The following RHPN2 variants were observed in gnomAD, a reference collection of about 807,000 sequenced individuals.
RHPN2 encodes rhophilin Rho GTPase binding protein 2, also known as rhophilin-2.
A neutral mutation model predicts 79.0 loss-of-function variants in RHPN2; 40 were observed. The observed-to-expected ratio is 0.51, with a 90% CI of 0.39 to 0.66. The LOEUF is 0.66. Ranked by LOEUF, RHPN2 falls within the 30% of genes least tolerant of loss-of-function variation. The pLI, the probability that RHPN2 is intolerant of heterozygous loss-of-function variation, is 0.00. For missense variants in RHPN2, 686 were observed against 883.5 expected, an observed-to-expected ratio of 0.78 and a Z score of 2.83; for synonymous variants, 285 against 363.5, an observed-to-expected ratio of 0.78 and a Z score of 2.46.
chr19:33,000,285 A>G (rs944127118), intron 9 of RHPN2, among the ~76,000 whole-genome samples: 7 of 146,840 alleles, frequency 4.8e-5, no homozygotes, highest in African/African-American at 1.8e-4. Context: ...CAGTGGTGTG[A>G]TCTTGGCTCA....
rs138280492 is a variant in RHPN2, at chr19:33,009,228, G to T, written c.594-1048C>A. ...AAAGCCACAGAATACACAAGTGCAA[G>T]AATGAACCCTAATGGAAACTATGGA... On this transcript the variant is annotated intron_variant, in intron 6 of 14. Coordinates refer to ENST00000254260, the MANE Select transcript of RHPN2 (RefSeq NM_033103.5). 8.6e-4 allele frequency among the ~76,000 whole-genome samples: 131 copies of T among 151,970 alleles called. 2 individuals carry two copies. Among genetic ancestry groups the T allele is most frequent in the Admixed American group, 9.8e-4 (15 of 15,242 alleles).
intron 1 of RHPN2, 42 bp downstream of exon 1, chr19:33,064,742 T>C: frequency 6.6e-7 from 1 of 1,510,828 alleles, no homozygotes. Flanking sequence ...AAAGGAGGTC[T>C]GGAGCCCGCA....
intron 6 of RHPN2, among the ~76,000 whole-genome samples, chr19:33,010,060 T>C (rs1336653231): frequency 6.6e-6 from 1 of 152,150 alleles, no homozygotes; most frequent in Non-Finnish European, 1.5e-5. Flanking sequence ...ATTACAGGCG[T>C]GAGCCACCGC....
At chr19:33,058,855 G>A (rs1972255703) in intron 1 of RHPN2, among the ~76,000 whole-genome samples, 1 of 152,106 alleles carries the variant, frequency 6.6e-6, no homozygotes, top group Admixed American at 6.6e-5. Context: ...CCAGCACTTT[G>A]GGAGGCCAAG....
intron 2 of RHPN2, among the ~76,000 whole-genome samples, chr19:33,029,896 A>G (rs1971997797): frequency 6.6e-6 from 1 of 152,196 alleles, no homozygotes; most frequent in African/African-American, 2.4e-5. Context: ...TCCCCCAGCA[A>G]AGAGTTGTGA....
Position 33,064,827 on chromosome 19 carries a change from G to C in RHPN2, c.26C>G (p.Ala9Gly). ...GTTCTCCTTCTCCAGCGGCTGGGGG[G>C]CCGCGGGCAACAGCGCGTCGGTCAT... Reference protein sequence around the residue: MTDALLPAAPQPLEKENDG... With the variant: MTDALLPAGPQPLEKENDG... Residue 9 changes from alanine to glycine, a missense_variant, in exon 1 of 15, where the codon GCC becomes GGC. Transcript: ENST00000254260. The C allele has an allele frequency of 6.6e-7, 1 of 1,520,308 alleles. No individual in the cohort carries two copies. Among genetic ancestry groups the C allele is most frequent in the Non-Finnish European group, 8.8e-7 (1 of 1,140,702 alleles). The allele number at this position is 1,520,308 out of a possible 1,614,324, so 94.2% of individuals were successfully genotyped here.
intron 1 of RHPN2, among the ~76,000 whole-genome samples, chr19:33,059,907 G>A (rs369730915): frequency 3.3e-5 from 5 of 152,206 alleles, no homozygotes; most frequent in African/African-American, 9.6e-5. Flanking sequence ...CCTCTTAAGC[G>A]GAGGATCCTT....
chr19:33,047,353 T>C (rs1568325586), intron 1 of RHPN2, among the ~76,000 whole-genome samples: 1 of 152,242 alleles, frequency 6.6e-6, no homozygotes, highest in Non-Finnish European at 1.5e-5. Flanking sequence ...ATTGTCTGTG[T>C]TCTCTGACCA....
At chr19:33,040,976 G>GA (rs1471961045) in intron 2 of RHPN2, among the ~76,000 whole-genome samples, 3 of 151,996 alleles carry the variant, frequency 2.0e-5, no homozygotes, top group Non-Finnish European at 4.4e-5. Context: ...AAACAAACCT[G>GA]AAAAAAGTGC....
chr19:33,035,578 T>G (rs1437429646), intron 2 of RHPN2, among the ~76,000 whole-genome samples: 1 of 152,156 alleles, frequency 6.6e-6, no homozygotes, highest in Non-Finnish European at 1.5e-5. Context: ...CGTCTGAGCT[T>G]CGTTGCTAGC....
chr19:33,027,759 AC>A (rs1971980184), intron 2 of RHPN2, among the ~76,000 whole-genome samples: 1 of 152,104 alleles, frequency 6.6e-6, no homozygotes, highest in African/African-American at 2.4e-5. Flanking sequence ...GGACAAAAAA[AC>A]ACATGGTGAC....
intron 7 of RHPN2, among the ~76,000 whole-genome samples, chr19:33,007,140 G>A (rs1211288869): frequency 3.9e-5 from 6 of 152,098 alleles, no homozygotes; most frequent in Admixed American, 2.0e-4. Flanking sequence ...CTTGACAAAG[G>A]GTTGAGAACA....
intron 4 of RHPN2, among the ~76,000 whole-genome samples, chr19:33,015,009 G>A (rs1971866515): frequency 6.6e-6 from 1 of 152,076 alleles, no homozygotes; most frequent in Non-Finnish European, 1.5e-5. Flanking sequence ...AGTGAGCCAT[G>A]ATCACATCAC....
At chr19:33,039,228 C>T (rs1170451224) in intron 2 of RHPN2, among the ~76,000 whole-genome samples, 1 of 152,068 alleles carries the variant, frequency 6.6e-6, no homozygotes, top group African/African-American at 2.4e-5. Context: ...TCAGCCAGAC[C>T]GGCAGGACAT....
At chr19:33,007,303 A>C (rs1971799058) in intron 7 of RHPN2, among the ~76,000 whole-genome samples, 2 of 152,044 alleles carry the variant, frequency 1.3e-5, no homozygotes, top group Admixed American at 1.3e-4. Context: ...CCTGGCCAGC[A>C]TGGCGAAACC....
intron 1 of RHPN2, among the ~76,000 whole-genome samples, chr19:33,053,023 G>A (rs902101103): frequency 6.6e-6 from 1 of 151,708 alleles, no homozygotes; most frequent in Non-Finnish European, 1.5e-5. Flanking sequence ...CCAGGCTGGA[G>A]TGCAGTGGTG....
intron 14 of RHPN2, among the ~76,000 whole-genome samples, chr19:32,981,423 G>GGGA (rs1971573227): frequency 8.4e-6 from 1 of 118,530 alleles, no homozygotes; most frequent in Admixed American, 9.0e-5. Flanking sequence ...AAAAAGGGGG[G>GGGA]GGGCGGGGGG....
At chr19:33,058,263 CCTGCTGGGAA>C (rs1466726725) in intron 1 of RHPN2, among the ~76,000 whole-genome samples, 1 of 152,236 alleles carries the variant, frequency 6.6e-6, no homozygotes, top group Non-Finnish European at 1.5e-5. Context: ...GGAAACGAGA[CCTGCTGGGAA>C]CTGCTGCCAA....
intron 1 of RHPN2, among the ~76,000 whole-genome samples, chr19:33,054,431 C>T (rs1055200113): frequency 6.6e-6 from 1 of 152,014 alleles, no homozygotes; most frequent in Non-Finnish European, 1.5e-5. Flanking sequence ...AACTCCTGAC[C>T]TCAAATGATC....
Sources: gnomAD v4.1 joint callset for allele counts (sites outside exome capture counted in the v4.1 genomes callset) on GRCh38, gnomAD v4.1.1 for gene constraint, MANE v1.5 for transcripts, NCBI Gene and HGNC (gene_info 2026-07-23, HGNC 2026-07-21) for gene names.